The following ARID2 variants were observed in gnomAD, a reference collection of about 807,000 sequenced individuals.
ARID2 encodes the protein AT-rich interactive domain-containing protein 2.
ARID2 carries 32 observed loss-of-function variants against 184.6 expected under a neutral mutation model. That is an observed-to-expected ratio of 0.17 (90% CI 0.13 to 0.23). The LOEUF (loss-of-function observed/expected upper bound fraction) is 0.23. Among genes scored for constraint, ARID2 ranks in the 10% least tolerant of loss-of-function variants. The pLI is 1.00. For missense variants in ARID2, 1,696 were observed against 2,197.6 expected (o/e 0.77, Z 4.56); for synonymous variants, 836 against 772.6 (o/e 1.08, Z -1.36).
intron 11 of ARID2, among the ~76,000 whole-genome samples, chr12:45,842,468 A>G (rs1037979825): frequency 6.6e-6 from 1 of 151,944 alleles, no homozygotes; most frequent in South Asian, 2.1e-4. Flanking sequence ...ATAAATAATT[A>G]TTAAACAAGG....
intron 18 of ARID2, among the ~76,000 whole-genome samples, 185 bp downstream of exon 18, chr12:45,892,281 G>A (rs2138233586): frequency 6.6e-6 from 1 of 152,250 alleles, no homozygotes; most frequent in South Asian, 2.1e-4. Context: ...TTTTCCTTTT[G>A]GCTGGACAAT....
At chr12:45,901,264 A>G (rs1944454778) in intron 20 of ARID2, among the ~76,000 whole-genome samples, 1 of 134,392 alleles carries the variant, frequency 7.4e-6, no homozygotes, top group Non-Finnish European at 1.5e-5. Context: ...TCCACCTCCC[A>G]GGTTCACGCC....
intron 4 of ARID2, 30 bp downstream of exon 4, chr12:45,811,581 A>G (rs2138083242): frequency 6.2e-7 from 1 of 1,605,496 alleles, no homozygotes; most frequent in Non-Finnish European, 8.5e-7. Context: ...AACAGGATAT[A>G]TGTCCGCAGT....
intron 20 of ARID2, among the ~76,000 whole-genome samples, chr12:45,899,829 CAATTGCT>C (rs1426287589): frequency 6.7e-6 from 1 of 149,926 alleles, no homozygotes; most frequent in African/African-American, 2.4e-5. Context: ...TGAGCTAGTG[CAATTGCT>C]TTCATATTTC....
chr12:45,739,205 C>G (rs997444506), intron 3 of ARID2, among the ~76,000 whole-genome samples: 1 of 152,048 alleles, frequency 6.6e-6, no homozygotes, highest in Non-Finnish European at 1.5e-5. Flanking sequence ...TCTCAAACTC[C>G]TGACCTCAGG....
chr12:45,802,579 G>A (rs1942526991), intron 3 of ARID2, among the ~76,000 whole-genome samples: 1 of 151,702 alleles, frequency 6.6e-6, no homozygotes, highest in Non-Finnish European at 1.5e-5. Context: ...TATCTGCTAG[G>A]TAAGATATTG....
At chr12:45,891,978 G>T (rs774225998) in intron 17 of ARID2, 33 bp from the exon 18 acceptor site, 2 of 1,613,766 alleles carry the variant, frequency 1.2e-6, no homozygotes, top group African/African-American at 1.3e-5. Context: ...AGATTTTGAC[G>T]TGCCATTCTC....
At position 45,851,771 on chromosome 12, in the gene ARID2, G is replaced by A. The variant is rs765132395; in HGVS notation, c.3648G>A (p.Thr1216=). The part of the protein sequence containing the change: ...TQTGVGLPVQ[T]LPATQASPAG... ...CAGGAGTTGGACTTCCAGTACAAAC[G>A]CTTCCAGCCACTCAAGCATCTCCTG... is the stretch of plus-strand genomic sequence containing the variant. Residue 1216 remains threonine, a synonymous_variant, in exon 15 of 21, where the codon ACG becomes ACA. Transcript: ENST00000334344. 96 of 1,613,930 alleles carry A rather than the reference G, an allele frequency of 5.9e-5. No homozygotes were observed. The highest frequency in any genetic ancestry group is 1.6e-4 in the Middle Eastern group (1 of 6,082).
chr12:45,842,330 T>C (rs995856821), intron 11 of ARID2: 8 of 151,394 alleles, frequency 5.3e-5, no homozygotes, highest in Admixed American at 4.6e-4. Flanking sequence ...TGTATATATA[T>C]ACACACATGT....
chr12:45,763,075 G>A (rs1474880654), intron 3 of ARID2, among the ~76,000 whole-genome samples: 1 of 152,194 alleles, frequency 6.6e-6, no homozygotes, highest in African/African-American at 2.4e-5. Context: ...TTTCTCCAAT[G>A]AGAAGTTTTA....
chr12:45,834,779 T>C (rs1943186047), intron 6 of ARID2, among the ~76,000 whole-genome samples: 1 of 152,236 alleles, frequency 6.6e-6, no homozygotes, highest in Non-Finnish European at 1.5e-5. Flanking sequence ...TCTTCCATCA[T>C]TTTGAAAATA....
At chr12:45,758,372 G>C (rs1456469505) in intron 3 of ARID2, among the ~76,000 whole-genome samples, 2 of 151,612 alleles carry the variant, frequency 1.3e-5, no homozygotes, top group Non-Finnish European at 2.9e-5. Context: ...TTTTTTGTGC[G>C]ATCGATTTTT....
At chr12:45,791,230 G>A (rs1463271356) in intron 3 of ARID2, among the ~76,000 whole-genome samples, 1 of 152,030 alleles carries the variant, frequency 6.6e-6, no homozygotes, top group Non-Finnish European at 1.5e-5. Flanking sequence ...GTGTGTGTGT[G>A]TGTGGTAGCA....
chr12:45,888,068 G>T (rs1028644563), intron 16 of ARID2, among the ~76,000 whole-genome samples: 2 of 151,978 alleles, frequency 1.3e-5, no homozygotes, highest in African/African-American at 4.8e-5. Context: ...GCTGGCGGGC[G>T]CCTGTAGTCC....
At chr12:45,797,527 C>A (rs1942413134) in intron 3 of ARID2, among the ~76,000 whole-genome samples, 1 of 152,174 alleles carries the variant, frequency 6.6e-6, no homozygotes, top group Non-Finnish European at 1.5e-5. Context: ...AGCCACCACT[C>A]CCAGCCGTTT....
At chr12:45,774,284 AGTGTGAAGGTCT>A (rs146235572) in intron 3 of ARID2, among the ~76,000 whole-genome samples, 43,859 of 151,950 alleles carry the variant, frequency 0.29, 6,561 homozygotes, top group Admixed American at 0.33. Context: ...CCTAATTTTT[AGTGTGAAGGTCT>A]GTTACAAGAA....
chr12:45,815,601 G>A (rs1411596736), intron 4 of ARID2, among the ~76,000 whole-genome samples: 2 of 149,584 alleles, frequency 1.3e-5, no homozygotes, highest in African/African-American at 4.9e-5. Flanking sequence ...TAAAGAGATT[G>A]TGTGTGTGTG....
intron 11 of ARID2, among the ~76,000 whole-genome samples, chr12:45,843,170 C>A (rs931802056): frequency 6.6e-6 from 1 of 151,106 alleles, no homozygotes; most frequent in Non-Finnish European, 1.5e-5. Flanking sequence ...GAAAATATAT[C>A]AAAAAGATAT....
chr12:45,894,919 G>C (rs1318206712), intron 20 of ARID2, among the ~76,000 whole-genome samples: 4 of 152,102 alleles, frequency 2.6e-5, no homozygotes, highest in African/African-American at 9.7e-5. Context: ...GCTCTCTCAA[G>C]TCACACTTGG....
Sources: allele counts gnomAD v4.1 joint callset (sites outside exome capture counted in the v4.1 genomes callset), GRCh38; gene constraint gnomAD v4.1.1; transcripts MANE v1.5; gene names NCBI Gene and HGNC (gene_info 2026-07-23, HGNC 2026-07-21).